The following ZNF532 variants were observed in gnomAD, a reference collection of about 807,000 sequenced individuals.
ZNF532 encodes zinc finger protein 532.
A neutral mutation model predicts 89.3 loss-of-function variants in ZNF532; 22 were observed. The ratio of observed to expected loss-of-function variants is 0.25; its 90% CI spans 0.18 to 0.35. The LOEUF (loss-of-function observed/expected upper bound fraction) is 0.35. Among genes scored for constraint, ZNF532 ranks in the 10% least tolerant of loss-of-function variants. The pLI, the probability that ZNF532 is intolerant of heterozygous loss-of-function variation, is 1.00. For synonymous variants in ZNF532, 606 were observed against 649.6 expected (o/e 0.93, Z 1.02); for missense variants, 1,132 against 1,643.4 (o/e 0.69, Z 5.38).
chr18:58,901,043 TAA>T (rs1231506531), intron 2 of ZNF532, among the ~76,000 whole-genome samples: 1 of 152,224 alleles, frequency 6.6e-6, no homozygotes, highest in African/African-American at 2.4e-5. Context: ...TTGCCATGTA[TAA>T]AATATTAAAA....
chr18:58,967,715 C>T (rs1309406772), intron 7 of ZNF532, among the ~76,000 whole-genome samples: 3 of 152,194 alleles, frequency 2.0e-5, no homozygotes, highest in African/African-American at 4.8e-5. Flanking sequence ...CGGTCTCCCA[C>T]GGCCTGCTGG....
At chr18:58,948,848 C>T (rs776969802) in intron 6 of ZNF532, among the ~76,000 whole-genome samples, 11 of 152,078 alleles carry the variant, frequency 7.2e-5, no homozygotes, top group Non-Finnish European at 1.5e-4. Flanking sequence ...TGAGCCACCG[C>T]GCCTGGCCGA....
chr18:58,939,533 C>T lies in ZNF532; in HGVS notation c.2617C>T (p.Pro873Ser), dbSNP rs748270079. 6.2e-7 allele frequency: 1 copy of T among 1,614,074 alleles called. No homozygotes were observed. Among genetic ancestry groups the T allele is most frequent in the Non-Finnish European group, 8.5e-7 (1 of 1,180,016 alleles). ...GSHCEVFYKC[P>S]ICPMAFKSAP... ...TCACTGTGAAGTCTTCTACAAGTGT[C>T]CTATTTGTCCAATGGCGTTTAAGTC... Residue 873 changes from proline (P) to serine (S), a missense_variant, in exon 5 of 10, where the codon CCT (proline) becomes TCT (serine). By Grantham distance (74) the Pro-to-Ser change is moderately conservative. Around this residue, in one of 9 missense-constraint regions of ZNF532, gnomAD observed 415 missense variants for 604.8 expected, o/e 0.69. Coordinates refer to ENST00000591808, the MANE Select transcript of ZNF532 (RefSeq NM_001375912.1).
chr18:58,889,176 T>C, intron 2 of ZNF532, among the ~76,000 whole-genome samples: 1 of 151,724 alleles, frequency 6.6e-6, no homozygotes. Flanking sequence ...CTTTCCGTGA[T>C]TTTCTTTCTC....
intron 7 of ZNF532, among the ~76,000 whole-genome samples, chr18:58,977,070 T>G (rs1330238415): frequency 1.3e-5 from 2 of 152,204 alleles, no homozygotes; most frequent in East Asian, 3.9e-4. Context: ...TGCTTTGTTC[T>G]CTCTTTCGTT....
At chr18:58,907,237 G>A (rs1239615771) in intron 2 of ZNF532, among the ~76,000 whole-genome samples, 1 of 152,150 alleles carries the variant, frequency 6.6e-6, no homozygotes, top group East Asian at 1.9e-4. Flanking sequence ...CCAGGCTAGG[G>A]TGCAGTGGCA....
intron 2 of ZNF532, among the ~76,000 whole-genome samples, chr18:58,901,719 A>G (rs2059613549): frequency 6.6e-6 from 1 of 152,286 alleles, no homozygotes; most frequent in South Asian, 2.1e-4. Flanking sequence ...ACCAGTTAGC[A>G]TGGCCTAAGG....
intron 7 of ZNF532, among the ~76,000 whole-genome samples, chr18:58,961,095 A>G (rs1274004407): frequency 1.3e-5 from 2 of 152,162 alleles, no homozygotes; most frequent in East Asian, 3.9e-4. Flanking sequence ...GGCGGTTCCC[A>G]AGATTGGAGT....
At chr18:58,939,173 G>A (rs1039202002) in intron 4 of ZNF532, among the ~76,000 whole-genome samples, 2 of 147,910 alleles carry the variant, frequency 1.4e-5, no homozygotes, top group Non-Finnish European at 3.0e-5. Context: ...CTTGAACCTG[G>A]GAGGTGGAGG....
intron 7 of ZNF532, among the ~76,000 whole-genome samples, chr18:58,955,458 G>A (rs2064672448): frequency 6.6e-6 from 1 of 152,182 alleles, no homozygotes; most frequent in African/African-American, 2.4e-5. Context: ...ATAGTCATCC[G>A]TAGTGAGACT....
intron 7 of ZNF532, among the ~76,000 whole-genome samples, chr18:58,978,536 G>T (rs930878144): frequency 2.6e-5 from 4 of 152,110 alleles, no homozygotes; most frequent in African/African-American, 4.8e-5. Flanking sequence ...TTTTGAGAGA[G>T]AATTTTTTTT....
intron 2 of ZNF532, among the ~76,000 whole-genome samples, chr18:58,901,682 G>T (rs1378649051): frequency 6.6e-6 from 1 of 152,184 alleles, no homozygotes; most frequent in African/African-American, 2.4e-5. Flanking sequence ...TACAAGTGAC[G>T]ATGAGTCCAC....
intron 2 of ZNF532, among the ~76,000 whole-genome samples, chr18:58,896,989 G>A (rs181270450): frequency 6.6e-6 from 1 of 152,340 alleles, no homozygotes; most frequent in African/African-American, 2.4e-5. Context: ...GCTCTTCAAA[G>A]GGCTGTGGTT....
At chr18:58,888,787 A>AAT (rs1555709297) in intron 2 of ZNF532, among the ~76,000 whole-genome samples, 247 of 8,158 alleles carry the variant, frequency 0.03, 22 homozygotes, top group African/African-American at 0.048. Flanking sequence ...ATATATATAA[A>AAT]ATATATATAA....
intron 7 of ZNF532, among the ~76,000 whole-genome samples, chr18:58,969,906 A>T (rs891169878): frequency 9.2e-6 from 1 of 108,658 alleles, no homozygotes; most frequent in Non-Finnish European, 1.7e-5. Context: ...TTGCCCCGAG[A>T]TGGAGTCTCG....
chr18:58,904,117 G>A (rs1164414546), intron 2 of ZNF532, among the ~76,000 whole-genome samples: 1 of 152,152 alleles, frequency 6.6e-6, no homozygotes, highest in African/African-American at 2.4e-5. Flanking sequence ...TTGGGAGGCC[G>A]AGGCAGGCGA....
chr18:58,964,813 C>T (rs954465350), intron 7 of ZNF532, among the ~76,000 whole-genome samples: 6 of 151,644 alleles, frequency 4.0e-5, no homozygotes, highest in Non-Finnish European at 7.4e-5. Flanking sequence ...GTCTTTGTTG[C>T]CCAGGCTTGT....
intron 2 of ZNF532, among the ~76,000 whole-genome samples, chr18:58,880,784 G>GTGTGTGTGTGTGTGTGTGTGTA (rs1160344942): frequency 1.3e-5 from 2 of 151,830 alleles, no homozygotes; most frequent in Non-Finnish European, 2.9e-5. Flanking sequence ...CTGTGTGTGT[G>GTGTGTGTGTGTGTGTGTGTGTA]TGTGTATGTT....
intron 7 of ZNF532, among the ~76,000 whole-genome samples, chr18:58,973,895 G>A (rs541888913): frequency 1.3e-5 from 2 of 152,228 alleles, no homozygotes; most frequent in Admixed American, 6.5e-5. Context: ...AAAGCTTCAC[G>A]TGTACTGTAT....
Sources: gnomAD v4.1 joint callset for allele counts (sites outside exome capture counted in the v4.1 genomes callset) on GRCh38, gnomAD v4.1.1 for gene constraint, gnomAD v4.1.1 regional missense constraint, MANE v1.5 for transcripts, NCBI Gene and HGNC (gene_info 2026-07-23, HGNC 2026-07-21) for gene names.